HMGCLL1: variants seen among roughly 807,000 people sequenced by gnomAD.
The protein encoded by HMGCLL1 is 3-hydroxy-3-methylglutaryl-CoA lyase like 1.
Under a neutral mutation model 39.1 loss-of-function variants are expected in HMGCLL1, and 36 were observed. That is an observed-to-expected ratio of 0.92 (90% confidence interval 0.71 to 1.22). The LOEUF (loss-of-function observed/expected upper bound fraction) is 1.22, where lower values mean the gene tolerates loss of function less well. HMGCLL1 is among the 50% of genes most tolerant of loss of function. HMGCLL1 has a pLI of 0.00. For missense variants in HMGCLL1, 451 were observed against 416.5 expected (o/e 1.08, Z -0.72); for synonymous variants, 149 against 144.0 (o/e 1.03, Z -0.25).
chr6:55,552,180 T>G (rs1770370077), intron 1 of HMGCLL1, among the ~76,000 whole-genome samples: 2 of 152,032 alleles, frequency 1.3e-5, no homozygotes, highest in East Asian at 1.9e-4. Context: ...TTACAGAATC[T>G]AAAGTCTCAA....
chr6:55,448,405 G>A (rs972063395), intron 7 of HMGCLL1, among the ~76,000 whole-genome samples: 2 of 150,816 alleles, frequency 1.3e-5, no homozygotes, highest in African/African-American at 4.9e-5. Context: ...GAAAATGGAA[G>A]ATAAAAGAAA....
At chr6:55,602,050 T>C in the HMGCLL1 span, among the ~76,000 whole-genome samples, 1 of 152,014 alleles carries the variant, frequency 6.6e-6, no homozygotes, top group Non-Finnish European at 1.5e-5. Context: ...TTTGATAAAA[T>C]GCCCCGTTAT....
chr6:55,521,108 T>C (rs1051437180), intron 3 of HMGCLL1, among the ~76,000 whole-genome samples: 2 of 152,118 alleles, frequency 1.3e-5, no homozygotes, highest in African/African-American at 4.8e-5. Flanking sequence ...AGATATCCTA[T>C]CATGTTGTAA....
In HMGCLL1 at chr6:55,462,661, C is replaced by T. The variant is rs545341381; in HGVS notation, c.796-23102G>A. Reference sequence around the variant, plus strand: ...GACTTAGAGCATTTAATGAAAATGCCAGCCATCTTTACCTGTGCTTAGGTA... The same window carrying T: ...GACTTAGAGCATTTAATGAAAATGCTAGCCATCTTTACCTGTGCTTAGGTA... On this transcript the variant is annotated intron_variant, in intron 7 of 8. Coordinates refer to ENST00000274901, the MANE Select transcript of HMGCLL1 (RefSeq NM_001042406.2). Among the ~76,000 whole-genome samples, 56 of 152,162 alleles carry T rather than the reference C, an allele frequency of 3.7e-4. 1 individual carries two copies. The highest frequency in any genetic ancestry group is 1.3e-3 in the African/African-American group (55 of 41,508).
intron 7 of HMGCLL1, among the ~76,000 whole-genome samples, chr6:55,456,981 A>C (rs1764351231): frequency 6.6e-6 from 1 of 152,200 alleles, no homozygotes; most frequent in South Asian, 2.1e-4. Context: ...GTTGTGTTCT[A>C]GTTACCTGGT....
At chr6:55,511,129 A>G (rs1767436067) in intron 5 of HMGCLL1, among the ~76,000 whole-genome samples, 1 of 152,056 alleles carries the variant, frequency 6.6e-6, no homozygotes, top group South Asian at 2.1e-4. Context: ...CACATTTGTC[A>G]TTGGCTTTTA....
chr6:55,508,107 A>T (rs1029818910), intron 5 of HMGCLL1, among the ~76,000 whole-genome samples: 1 of 151,788 alleles, frequency 6.6e-6, no homozygotes, highest in African/African-American at 2.4e-5. Flanking sequence ...TTCCAGCCCT[A>T]GTTTAAAGAA....
the HMGCLL1 span, among the ~76,000 whole-genome samples, chr6:55,668,278 T>A: frequency 6.6e-6 from 1 of 151,942 alleles, no homozygotes; most frequent in Non-Finnish European, 1.5e-5. Context: ...TCCAGCAGGA[T>A]CTGTGACAGG....
At chr6:55,458,478 T>G (rs1371372552) in intron 7 of HMGCLL1, among the ~76,000 whole-genome samples, 1 of 152,182 alleles carries the variant, frequency 6.6e-6, no homozygotes, top group Non-Finnish European at 1.5e-5. Flanking sequence ...AGCTGAAACC[T>G]GAACGAAGTG....
intron 5 of HMGCLL1, among the ~76,000 whole-genome samples, chr6:55,501,159 C>T (rs1295885912): frequency 6.6e-6 from 1 of 151,830 alleles, no homozygotes; most frequent in Non-Finnish European, 1.5e-5. Flanking sequence ...TGTGAGGGAA[C>T]ACTGTTTTGA....
the HMGCLL1 span, among the ~76,000 whole-genome samples, chr6:55,641,061 T>C: frequency 6.6e-6 from 1 of 151,676 alleles, no homozygotes; most frequent in Non-Finnish European, 1.5e-5. Flanking sequence ...ATCACTTTAT[T>C]TGGAGAGATT....
At chr6:55,530,539 C>A (rs1269281096) in intron 3 of HMGCLL1, among the ~76,000 whole-genome samples, 1 of 151,750 alleles carries the variant, frequency 6.6e-6, no homozygotes, top group Non-Finnish European at 1.5e-5. Flanking sequence ...AAAATAAAAT[C>A]AAATATTTTA....
Position 55,514,145 on chromosome 6 carries a change from A to G in HMGCLL1, c.445T>C (p.Phe149Leu), listed in dbSNP as rs772315880. The change falls in exon 5 of 9, where the codon TTT (phenylalanine) becomes CTT (leucine). Residue 149 changes from phenylalanine (F) to leucine (L), a missense_variant. Transcript: ENST00000274901. ...ISVFGAASES[F>L]SKKNINCSIE... ...GAACAGTTAATATTCTTCTTGCTAA[A>G]GGATTCAGATGCAGCTCCAAAAACT... 85 of 1,612,674 alleles carry G rather than the reference A, an allele frequency of 5.3e-5. 1 individual carries two copies. The Admixed American group carries it at 1.4e-3, about 27-fold the overall frequency.
intron 8 of HMGCLL1, 85 bp from the exon 9 acceptor site, chr6:55,435,848 A>T (rs1763348881): frequency 1.7e-6 from 1 of 595,456 alleles, no homozygotes; most frequent in East Asian, 3.1e-5. Context: ...TTTTATTAGT[A>T]GTTACTTAAC....
intron 5 of HMGCLL1, among the ~76,000 whole-genome samples, chr6:55,509,291 G>GC (rs908777336): frequency 2.0e-5 from 3 of 151,884 alleles, no homozygotes; most frequent in African/African-American, 7.2e-5. Context: ...TGCTATAAAT[G>GC]CAAGTGTTCC....
chr6:55,467,075 C>G (rs906727007), intron 7 of HMGCLL1, among the ~76,000 whole-genome samples: 1 of 152,012 alleles, frequency 6.6e-6, no homozygotes, highest in African/African-American at 2.4e-5. Flanking sequence ...TGTTTCTAAC[C>G]TCCGTGGCCT....
chr6:55,623,049 T>G, the HMGCLL1 span, among the ~76,000 whole-genome samples: 1 of 152,032 alleles, frequency 6.6e-6, no homozygotes, highest in African/African-American at 2.4e-5. Flanking sequence ...TATTGGTATA[T>G]AGTTGCTCAT....
intron 3 of HMGCLL1, among the ~76,000 whole-genome samples, chr6:55,523,156 T>C (rs527386722): frequency 1.7e-3 from 251 of 151,810 alleles, no homozygotes; most frequent in Non-Finnish European, 2.7e-3. Flanking sequence ...CATTGTCCTG[T>C]CTCCACTCCA....
At chr6:55,436,702 A>G (rs187445754) in intron 8 of HMGCLL1, among the ~76,000 whole-genome samples, 35 of 152,152 alleles carry the variant, frequency 2.3e-4, no homozygotes, top group Non-Finnish European at 3.4e-4. Context: ...CACTTTCATA[A>G]AATAGACAAG....
Sources: allele counts gnomAD v4.1 joint callset (sites outside exome capture counted in the v4.1 genomes callset), GRCh38; gene constraint gnomAD v4.1.1; transcripts MANE v1.5; gene names NCBI Gene and HGNC (gene_info 2026-07-23, HGNC 2026-07-21).